The following TNS3 variants were observed in gnomAD, a reference collection of about 807,000 sequenced individuals.
TNS3 encodes tensin-3.
Under a neutral mutation model 140.9 loss-of-function variants are expected in TNS3, and 45 were observed. That is an observed-to-expected ratio of 0.32 (90% CI 0.25 to 0.41). The LOEUF is 0.41. Ranked by LOEUF, TNS3 falls within the 10% of genes least tolerant of loss-of-function variation. TNS3 has a pLI of 1.00. For synonymous variants in TNS3, 815 were observed against 788.4 expected (o/e 1.03, Z -0.56); for missense variants, 1,716 against 1,906.7 (o/e 0.90, Z 1.86).
intron 4 of TNS3, among the ~76,000 whole-genome samples, chr7:47,477,920 G>A (rs1469799970): frequency 6.6e-6 from 1 of 152,188 alleles, no homozygotes; most frequent in Non-Finnish European, 1.5e-5. Context: ...CTCAGGCTGG[G>A]CTGGGCTGCC....
At chr7:47,385,071 G>C (rs1791996797) in intron 16 of TNS3, among the ~76,000 whole-genome samples, 1 of 152,184 alleles carries the variant, frequency 6.6e-6, no homozygotes, top group Admixed American at 6.5e-5. Context: ...TACAGGTCAA[G>C]TGACGCCACA....
chr7:47,411,615 G>T (rs950745081), intron 13 of TNS3, 112 bp downstream of exon 13: 5 of 1,127,372 alleles, frequency 4.4e-6, no homozygotes, highest in Admixed American at 4.8e-5. Context: ...TTCCTACAGG[G>T]TACTTTTTTT....
At chr7:47,338,875 G>C (rs1788783276) in intron 20 of TNS3, among the ~76,000 whole-genome samples, 1 of 152,140 alleles carries the variant, frequency 6.6e-6, no homozygotes, top group Non-Finnish European at 1.5e-5. Context: ...GGACTGCTGG[G>C]TCAAATGGCA....
At chr7:47,318,522 C>G (rs1787542876) in intron 20 of TNS3, among the ~76,000 whole-genome samples, 1 of 152,188 alleles carries the variant, frequency 6.6e-6, no homozygotes, top group Non-Finnish European at 1.5e-5. Context: ...TGCACCAGCA[C>G]AGGGCAGTCA....
chr7:47,324,477 C>A (rs946780322), intron 20 of TNS3, among the ~76,000 whole-genome samples: 1 of 152,184 alleles, frequency 6.6e-6, no homozygotes, highest in African/African-American at 2.4e-5. Context: ...CAGGGCTAGG[C>A]AAGGTGGCTC....
At chr7:47,443,735 A>C (rs1795582397) in intron 4 of TNS3, among the ~76,000 whole-genome samples, 2 of 152,138 alleles carry the variant, frequency 1.3e-5, no homozygotes, top group Non-Finnish European at 2.9e-5. Context: ...CACCCTGGCC[A>C]ACATGGTGAA....
intron 27 of TNS3, among the ~76,000 whole-genome samples, chr7:47,288,664 C>G (rs1785542769): frequency 6.6e-6 from 1 of 152,152 alleles, no homozygotes; most frequent in Non-Finnish European, 1.5e-5. Context: ...CCAGGGACCC[C>G]CTAAAACAGA....
At chr7:47,280,462 A>C (rs527784274) in intron 28 of TNS3, 108 bp from the exon 29 acceptor site, 2 of 999,814 alleles carry the variant, frequency 2.0e-6, no homozygotes, top group African/African-American at 3.2e-5. Context: ...CCAGCAGAAA[A>C]CATTTCATAC....
chr7:47,524,239 A>G (rs962225312), intron 2 of TNS3, among the ~76,000 whole-genome samples: 1 of 152,184 alleles, frequency 6.6e-6, no homozygotes. Context: ...CCCGAGTCCC[A>G]GCTCTGCACC....
Position 47,425,860 on chromosome 7 carries a change from G to A in TNS3, c.390-1676C>T, listed in dbSNP as rs183102077. On this transcript the variant is annotated intron_variant, in intron 9 of 30. Transcript: ENST00000311160. The stretch of plus-strand genomic sequence containing the variant: ...CTTTTTTCTTCTGTTTGCAGTTTGT[G>A]ATAAAGATCTCAAATGTGTGCTTGT... Among the ~76,000 whole-genome samples the A allele has an allele frequency of 1.3e-3, 198 of 152,148 alleles. 1 individual carries two copies. Among genetic ancestry groups the A allele is most frequent in the African/African-American group, 4.1e-3 (172 of 41,476 alleles).
chr7:47,490,645 T>G (rs893476940), intron 3 of TNS3, among the ~76,000 whole-genome samples: 13 of 152,214 alleles, frequency 8.5e-5, no homozygotes, highest in Non-Finnish European at 1.8e-4. Flanking sequence ...AAGGGAAGCC[T>G]GAACAGCCGC....
chr7:47,496,709 T>A (rs1393693047), intron 3 of TNS3, among the ~76,000 whole-genome samples: 1 of 152,188 alleles, frequency 6.6e-6, no homozygotes, highest in Non-Finnish European at 1.5e-5. Context: ...GGGATGCATC[T>A]GTACCTGCTC....
intron 23 of TNS3, among the ~76,000 whole-genome samples, chr7:47,301,633 GAAA>G (rs113898295): frequency 1.3e-3 from 121 of 95,894 alleles, no homozygotes; most frequent in African/African-American, 3.3e-3. Flanking sequence ...TTTCAAATTA[GAAA>G]AAAAAAAAAA....
intron 20 of TNS3, among the ~76,000 whole-genome samples, chr7:47,329,803 G>A (rs1788234749): frequency 1.3e-5 from 2 of 152,082 alleles, no homozygotes; most frequent in South Asian, 4.1e-4. Context: ...GACCAGGATG[G>A]CACTCCCAAG....
At chr7:47,286,718 C>A (rs1785438541) in intron 27 of TNS3, among the ~76,000 whole-genome samples, 1 of 152,146 alleles carries the variant, frequency 6.6e-6, no homozygotes, top group East Asian at 1.9e-4. Context: ...GAAAGATGGT[C>A]CTCTAAGCAT....
intron 4 of TNS3, among the ~76,000 whole-genome samples, chr7:47,446,648 C>A: frequency 7.6e-6 from 1 of 131,172 alleles, no homozygotes; most frequent in African/African-American, 2.8e-5. Context: ...GTTAAACCTG[C>A]AAAAGGTAAG....
intron 16 of TNS3, among the ~76,000 whole-genome samples, chr7:47,373,186 C>T (rs977829227): frequency 9.2e-5 from 14 of 152,170 alleles, no homozygotes; most frequent in South Asian, 2.1e-4. Context: ...ACAAAGGAGA[C>T]GGCCGTTTCC....
In TNS3 at chr7:47,368,468, C is replaced by G; in HGVS notation, c.2178G>C (p.Gln726His). 1 of 1,589,170 alleles carries G rather than the reference C, an allele frequency of 6.3e-7. No homozygotes were observed. The highest frequency in any genetic ancestry group is 8.6e-7 in the Non-Finnish European group (1 of 1,162,274). Residue 726 changes from glutamine (Q) to histidine (H), a missense_variant, in exon 17 of 31, where the codon CAG becomes CAC. Gln to His is a conservative substitution (Grantham distance 24, BLOSUM62 0). This residue lies in a region of TNS3 where 1,163 missense variants were observed against 1,182.1 expected (regional missense o/e 0.98). Transcript: ENST00000311160. Reference protein sequence around the residue: ...IPTHMNALGSQANGSVSPDSV... With the variant: ...IPTHMNALGSHANGSVSPDSV... ...TGTCTGGAGACACAGAGCCATTGGCCTGGCTACCGAGGGCGTTCATGTGGG... is the reference window on the plus strand; with the variant it reads ...TGTCTGGAGACACAGAGCCATTGGCGTGGCTACCGAGGGCGTTCATGTGGG...
intron 1 of TNS3, among the ~76,000 whole-genome samples, chr7:47,557,690 G>C (rs1032216762): frequency 1.3e-5 from 2 of 152,148 alleles, no homozygotes; most frequent in African/African-American, 4.8e-5. Flanking sequence ...AATTGGAGGC[G>C]CTGGGGACAT....
Sources: gnomAD v4.1 joint callset for allele counts (sites outside exome capture counted in the v4.1 genomes callset) on GRCh38, gnomAD v4.1.1 for gene constraint, gnomAD v4.1.1 regional missense constraint, MANE v1.5 for transcripts, NCBI Gene and HGNC (gene_info 2026-07-23, HGNC 2026-07-21) for gene names.